The following PSMD14 variants were observed in gnomAD, a reference collection of about 807,000 sequenced individuals.
The protein encoded by PSMD14 is proteasome 26S subunit, non-ATPase 14, also known as ubiquitin C-terminal hydrolase PSMD14.
A neutral mutation model predicts 41.2 loss-of-function variants in PSMD14; 7 were observed. The ratio of observed to expected loss-of-function variants is 0.17; its 90% CI spans 0.10 to 0.32. The LOEUF (loss-of-function observed/expected upper bound fraction) is 0.32. Among genes scored for constraint, PSMD14 ranks in the 10% least tolerant of loss-of-function variants. The pLI, the probability that PSMD14 is intolerant of heterozygous loss-of-function variation, is 1.00. For synonymous variants in PSMD14, 114 were observed against 122.3 expected (o/e 0.93, Z 0.45); for missense variants, 139 against 375.6 (o/e 0.37, Z 5.21).
intron 3 of PSMD14, among the ~76,000 whole-genome samples, chr2:161,348,787 C>G (rs946540397): frequency 6.6e-6 from 1 of 152,122 alleles, no homozygotes; most frequent in African/African-American, 2.4e-5. Flanking sequence ...GAGCTTCAAC[C>G]CAGCTGCTTT....
chr2:161,348,491 T>G (rs934360092), intron 3 of PSMD14, among the ~76,000 whole-genome samples: 1 of 152,180 alleles, frequency 6.6e-6, no homozygotes, highest in Non-Finnish European at 1.5e-5. Context: ...CAACTATCCA[T>G]CAGTAGGAGA....
intron 7 of PSMD14, among the ~76,000 whole-genome samples, chr2:161,374,236 A>G (rs977586148): frequency 1.3e-5 from 2 of 152,032 alleles, no homozygotes; most frequent in Non-Finnish European, 2.9e-5. Flanking sequence ...TCTCTTCAGC[A>G]TAAGTCAGGG....
At chr2:161,309,368 A>G (rs1407240774) in intron 1 of PSMD14, among the ~76,000 whole-genome samples, 3 of 152,214 alleles carry the variant, frequency 2.0e-5, no homozygotes, top group Non-Finnish European at 4.4e-5. Flanking sequence ...ATGGTAATAT[A>G]AGTTGATAAA....
intron 10 of PSMD14, among the ~76,000 whole-genome samples, chr2:161,398,302 G>A (rs1187373778): frequency 6.6e-6 from 1 of 152,030 alleles, no homozygotes; most frequent in African/African-American, 2.4e-5. Flanking sequence ...TTTTTAATTG[G>A]TTGGTGTTTT....
At chr2:161,361,794 G>A (rs1233067054) in intron 3 of PSMD14, among the ~76,000 whole-genome samples, 1 of 152,118 alleles carries the variant, frequency 6.6e-6, no homozygotes, top group African/African-American at 2.4e-5. Flanking sequence ...GTATCTCATT[G>A]ACAAATTTTG....
chr2:161,323,631 C>T (rs899031289), intron 3 of PSMD14, among the ~76,000 whole-genome samples: 1 of 151,806 alleles, frequency 6.6e-6, no homozygotes, highest in Non-Finnish European at 1.5e-5. Flanking sequence ...CCACTGCACT[C>T]CAGCCTGGGT....
At chr2:161,340,677 A>G (rs1375784022) in intron 3 of PSMD14, 33 of 1,499,096 alleles carry the variant, frequency 2.2e-5, no homozygotes, top group Non-Finnish European at 2.8e-5. Flanking sequence ...TTGAGGGTCT[A>G]GAGCTCAGCA....
At chr2:161,341,561 C>T (rs1682961817) in intron 3 of PSMD14, among the ~76,000 whole-genome samples, 2 of 151,396 alleles carry the variant, frequency 1.3e-5, no homozygotes, top group Admixed American at 6.6e-5. Context: ...AAATTTGGGC[C>T]GGGCACGGTG....
chr2:161,341,223 G>A (rs201130240), intron 3 of PSMD14: 103,997 of 976,926 alleles, frequency 0.11, 6,248 homozygotes, highest in East Asian at 0.3. Flanking sequence ...GGCAGGCTCC[G>A]GGCTCGCGGC....
At chr2:161,397,078 C>T (rs1196884086) in intron 10 of PSMD14, among the ~76,000 whole-genome samples, 1 of 152,158 alleles carries the variant, frequency 6.6e-6, no homozygotes, top group East Asian at 1.9e-4. Context: ...GATCCACCTG[C>T]CTTGGCCTCC....
intron 3 of PSMD14, chr2:161,340,990 TCGCCTCCAC>T (rs1682947316): frequency 1.2e-6 from 2 of 1,612,096 alleles, no homozygotes; most frequent in Admixed American, 1.7e-5. Context: ...TCTTCCTGCC[TCGCCTCCAC>T]CGCCTGCTCC....
At chr2:161,372,662 A>G (rs1683452363) in intron 7 of PSMD14, among the ~76,000 whole-genome samples, 1 of 151,974 alleles carries the variant, frequency 6.6e-6, no homozygotes, top group Non-Finnish European at 1.5e-5. Context: ...GTTACTCAAC[A>G]TATAGATAAA....
intron 3 of PSMD14, among the ~76,000 whole-genome samples, chr2:161,349,779 A>G (rs1683094191): frequency 6.6e-6 from 1 of 152,192 alleles, no homozygotes; most frequent in African/African-American, 2.4e-5. Flanking sequence ...CCAGACGAGC[A>G]GGGTGGGGTT....
chr2:161,330,902 C>G (rs1682777373), intron 3 of PSMD14, among the ~76,000 whole-genome samples: 1 of 152,186 alleles, frequency 6.6e-6, no homozygotes, highest in Non-Finnish European at 1.5e-5. Flanking sequence ...TACATTCTTA[C>G]CTGCCTGTGG....
chr2:161,393,471 G>T (rs1430280694), intron 9 of PSMD14, among the ~76,000 whole-genome samples: 1 of 152,084 alleles, frequency 6.6e-6, no homozygotes, highest in Non-Finnish European at 1.5e-5. Context: ...GGGAATGGAG[G>T]AGTTTTGTAT....
At chr2:161,341,294 CA>C (rs977907528) in intron 3 of PSMD14, 1 of 1,020,510 alleles carries the variant, frequency 9.8e-7, no homozygotes, top group Non-Finnish European at 1.2e-6. Flanking sequence ...CCAGCGCAGG[CA>C]GCGCGGCCAG....
At position 161,404,071 on chromosome 2, in the gene PSMD14, A is replaced by AT. The variant is rs371834206; in HGVS notation, c.772-4755dup. 2.3e-3 allele frequency among the ~76,000 whole-genome samples: 328 copies of AT among 142,922 alleles called. 4 individuals are homozygous for AT. Among genetic ancestry groups the AT allele is most frequent in the South Asian group, 0.015 (69 of 4,512 alleles). The allele number at this position is 142,922 out of a possible 152,430, so 93.8% of individuals were successfully genotyped here. Reference sequence around the variant, plus strand: ...CAAGCACTCACCACTATGCCTGGCTATTTTTTTTTTTCTTTTAAGATACAA... The same window carrying AT: ...CAAGCACTCACCACTATGCCTGGCTATTTTTTTTTTTTCTTTTAAGATACAA... On this transcript the variant is annotated intron_variant, in intron 10 of 11. Transcript: ENST00000409682.
At position 161,392,980 on chromosome 2, in the gene PSMD14, C is replaced by A. The variant is rs529624958; in HGVS notation, c.645+1802C>A. Among the ~76,000 whole-genome samples, 3 of 152,122 alleles carry A rather than the reference C, an allele frequency of 2.0e-5. No homozygotes were observed. In the South Asian group the frequency reaches 6.2e-4, roughly 32 times the overall value. ...TCATAAACTTAGCCATTTTCCTTGG[C>A]ATAAAAAGCAAATATATAAGCACTT... is the stretch of plus-strand genomic sequence containing the variant. On this transcript the variant is annotated intron_variant, in intron 9 of 11. Coordinates refer to ENST00000409682, the MANE Select transcript of PSMD14 (RefSeq NM_005805.6).
chr2:161,353,956 T>C (rs1432865721), intron 3 of PSMD14, among the ~76,000 whole-genome samples: 2 of 152,230 alleles, frequency 1.3e-5, no homozygotes. Flanking sequence ...AACCAGTTAA[T>C]TTATTTTTTA....
Sources: allele counts gnomAD v4.1 joint callset (sites outside exome capture counted in the v4.1 genomes callset), GRCh38; gene constraint gnomAD v4.1.1; transcripts MANE v1.5; gene names NCBI Gene and HGNC (gene_info 2026-07-23, HGNC 2026-07-21).